SGCZ: variants seen among roughly 807,000 people sequenced by gnomAD.
SGCZ encodes zeta-sarcoglycan.
SGCZ carries 40 observed loss-of-function variants against 41.3 expected under a neutral mutation model. The ratio of observed to expected loss-of-function variants is 0.97; its 90% CI spans 0.75 to 1.26. SGCZ has a LOEUF of 1.26. SGCZ is among the 50% of genes most tolerant of loss of function. SGCZ has a pLI of 0.00. For synonymous variants in SGCZ, 206 were observed against 137.5 expected, an observed-to-expected ratio of 1.50 and a Z score of -3.49; for missense variants, 552 against 369.8, an observed-to-expected ratio of 1.49 and a Z score of -4.04.
chr8:15,190,794 T>C (rs1280369483), intron 1 of SGCZ, among the ~76,000 whole-genome samples: 1 of 152,092 alleles, frequency 6.6e-6, no homozygotes, highest in Non-Finnish European at 1.5e-5. Flanking sequence ...AAAAGTCTTC[T>C]TTAGTAACTA....
intron 1 of SGCZ, among the ~76,000 whole-genome samples, chr8:14,654,532 A>G (rs1807499327): frequency 1.3e-5 from 2 of 152,116 alleles, no homozygotes; most frequent in Non-Finnish European, 2.9e-5. Context: ...GAGCTTTACT[A>G]CTACTGCTAC....
chr8:14,359,207 G>C (rs530344317), intron 2 of SGCZ, among the ~76,000 whole-genome samples: 1 of 151,984 alleles, frequency 6.6e-6, no homozygotes, highest in Non-Finnish European at 1.5e-5. Context: ...AAAAGTCAAG[G>C]ATAAAGAAAG....
At chr8:14,587,187 GA>G (rs1805086493) in intron 1 of SGCZ, among the ~76,000 whole-genome samples, 1 of 151,752 alleles carries the variant, frequency 6.6e-6, no homozygotes. Flanking sequence ...TACATAATGA[GA>G]GGGTTTTACA....
At chr8:14,154,667 T>G (rs1803823143) in intron 5 of SGCZ, among the ~76,000 whole-genome samples, 1 of 152,214 alleles carries the variant, frequency 6.6e-6, no homozygotes, top group African/African-American at 2.4e-5. Flanking sequence ...CTTTAAAACA[T>G]GTCTACAAGT....
chr8:14,360,580 C>T (rs1450274296), intron 2 of SGCZ, among the ~76,000 whole-genome samples: 1 of 152,076 alleles, frequency 6.6e-6, no homozygotes, highest in Non-Finnish European at 1.5e-5. Flanking sequence ...CCTGCCTCGG[C>T]CTCCAAAAGT....
intron 2 of SGCZ, among the ~76,000 whole-genome samples, chr8:14,410,713 A>C (rs113003774): frequency 0.012 from 1,838 of 152,220 alleles, 43 homozygotes; most frequent in African/African-American, 0.041. Flanking sequence ...CCCCCATGGC[A>C]CATGTATGCC....
Position 14,554,883 on chromosome 8 carries a change from A to C in SGCZ, c.83T>G (p.Leu28Arg). The change falls in exon 2 of 8, where the codon CTG becomes CGG. Residue 28 changes from leucine (L) to arginine (R), a missense_variant. Coordinates refer to ENST00000382080, the MANE Select transcript of SGCZ (RefSeq NM_139167.4). ...QYILATQQNN[L>R]PRTENAQLYP... ...AAGTTGTGCATTCTCAGTCCTTGGC[A>C]GGTTATTCTGTTGGGTTGCTAGTAT... is the stretch of plus-strand genomic sequence containing the variant. 1 of 1,612,854 alleles carries C rather than the reference A, an allele frequency of 6.2e-7. No individual in the cohort carries two copies.
rs79820739 is a variant in SGCZ at position 15,154,948 on chromosome 8, T to C, written c.39+82637A>G. ...AATTAATTAACAACAATATATTGTA[T>C]AATTTCAAATAGTGAGAAGAGCCGA... On this transcript the variant is annotated intron_variant, in intron 1 of 7. Transcript: ENST00000382080. Among the ~76,000 whole-genome samples the C allele has an allele frequency of 5.9e-3, 900 of 152,230 alleles. 23 individuals carry two copies. In the East Asian group the frequency reaches 0.077, roughly 13 times the overall value.
At chr8:14,207,644 G>A (rs1236522014) in intron 4 of SGCZ, among the ~76,000 whole-genome samples, 1 of 151,836 alleles carries the variant, frequency 6.6e-6, no homozygotes, top group African/African-American at 2.4e-5. Flanking sequence ...ATGTAGTAGT[G>A]CTCTATTGTT....
intron 1 of SGCZ, among the ~76,000 whole-genome samples, chr8:14,735,456 G>C (rs1798999482): frequency 6.6e-6 from 1 of 152,126 alleles, no homozygotes; most frequent in South Asian, 2.1e-4. Context: ...GATGCTTCCT[G>C]CCCTTGGGCA....
chr8:15,016,857 C>T (rs1268576331), intron 1 of SGCZ, among the ~76,000 whole-genome samples: 1 of 152,026 alleles, frequency 6.6e-6, no homozygotes, highest in Non-Finnish European at 1.5e-5. Flanking sequence ...AATGAACAGC[C>T]ATGTCATTTG....
chr8:14,821,963 G>A (rs533260532), intron 1 of SGCZ, among the ~76,000 whole-genome samples: 23 of 151,922 alleles, frequency 1.5e-4, no homozygotes, highest in African/African-American at 5.1e-4. Context: ...ATCCTAGCCA[G>A]GACAATTAGG....
intron 1 of SGCZ, among the ~76,000 whole-genome samples, chr8:14,857,730 G>C (rs1352470001): frequency 2.0e-5 from 3 of 152,086 alleles, no homozygotes; most frequent in Non-Finnish European, 4.4e-5. Flanking sequence ...GCCCAGCGTG[G>C]TGGCAAGTGC....
intron 1 of SGCZ, among the ~76,000 whole-genome samples, chr8:14,862,056 A>C (rs768364668): frequency 1.3e-5 from 2 of 152,134 alleles, no homozygotes; most frequent in African/African-American, 4.8e-5. Flanking sequence ...AAAAATGATG[A>C]AGACAAAATT....
chr8:14,506,768 A>G (rs796917673), intron 2 of SGCZ, among the ~76,000 whole-genome samples: 5 of 152,256 alleles, frequency 3.3e-5, no homozygotes, highest in African/African-American at 1.2e-4. Context: ...TAAACCAACG[A>G]CAGCACTTGA....
chr8:14,427,955 A>G (rs1167772080), intron 2 of SGCZ, among the ~76,000 whole-genome samples: 1 of 152,106 alleles, frequency 6.6e-6, no homozygotes, highest in East Asian at 1.9e-4. Flanking sequence ...AGTAATCTAG[A>G]AATGATTTAA....
chr8:15,147,590 T>A (rs961125249), intron 1 of SGCZ, among the ~76,000 whole-genome samples: 1 of 152,148 alleles, frequency 6.6e-6, no homozygotes, highest in African/African-American at 2.4e-5. Context: ...CACTTCCGTT[T>A]TATTGGGTTA....
At chr8:14,468,235 G>C (rs1192276370) in intron 2 of SGCZ, among the ~76,000 whole-genome samples, 1 of 151,962 alleles carries the variant, frequency 6.6e-6, no homozygotes, top group African/African-American at 2.4e-5. Context: ...GATATATACA[G>C]ATTGGGTGAT....
At chr8:14,154,372 A>T (rs1803812681) in intron 5 of SGCZ, among the ~76,000 whole-genome samples, 1 of 115,000 alleles carries the variant, frequency 8.7e-6, no homozygotes, top group Admixed American at 1.0e-4. Flanking sequence ...CTGTTTCAAA[A>T]ATAAACAAAC....
Sources: allele counts gnomAD v4.1 joint callset (sites outside exome capture counted in the v4.1 genomes callset), GRCh38; gene constraint gnomAD v4.1.1; transcripts MANE v1.5; gene names NCBI Gene and HGNC (gene_info 2026-07-23, HGNC 2026-07-21).